The following KIF26B variants were observed in gnomAD, a reference collection of about 807,000 sequenced individuals.
KIF26B encodes the protein kinesin family member 26B.
A neutral mutation model predicts 151.2 loss-of-function variants in KIF26B; 63 were observed. That is an observed-to-expected ratio of 0.42 (90% confidence interval 0.34 to 0.51). The LOEUF is 0.51. Ranked by LOEUF, KIF26B falls within the 20% of genes least tolerant of loss-of-function variation. The probability of loss-of-function intolerance (pLI) is 0.07; values close to 1 mark genes in which losing one functional copy is unlikely to be tolerated. For missense variants in KIF26B, 2,813 were observed against 2,913.6 expected (o/e 0.97, Z 0.79); for synonymous variants, 1,357 against 1,262.1 (o/e 1.08, Z -1.59).
rs2042978468 is a variant in KIF26B, at chr1:245,563,746, G to GA, written c.1350+22796_1350+22797insA. On this transcript the variant is annotated intron_variant, in intron 5 of 14. Coordinates refer to ENST00000407071, the MANE Select transcript of KIF26B (RefSeq NM_018012.4). The surrounding 1 kb of genome is among the most constrained non-coding windows in gnomAD (Gnocchi z 4.6). ...CACCTTTTCTATGTTTAGGTATGTTGTTTAGATTTAGAATATGTAACGCAA... is the reference window on the plus strand; with the variant it reads ...CACCTTTTCTATGTTTAGGTATGTTGATTTAGATTTAGAATATGTAACGCAA... 6.7e-6 allele frequency among the ~76,000 whole-genome samples: 1 copy of GA among 149,646 alleles called. No homozygotes were observed. Among genetic ancestry groups the GA allele is most frequent in the Non-Finnish European group, 1.5e-5 (1 of 67,620 alleles).
At chr1:245,662,404 T>C (rs183139822) in intron 10 of KIF26B, among the ~76,000 whole-genome samples, 4 of 105,554 alleles carry the variant, frequency 3.8e-5, no homozygotes, top group Non-Finnish European at 5.9e-5. Flanking sequence ...TACACACACA[T>C]ACACCCAGTG....
chr1:245,523,609 C>A (rs78030435), intron 4 of KIF26B, among the ~76,000 whole-genome samples: 22 of 152,314 alleles, frequency 1.4e-4, no homozygotes, highest in African/African-American at 4.6e-4. Flanking sequence ...TGCCTTCTCG[C>A]TGTGTCTTCA....
At chr1:245,468,845 CTG>C (rs1457683108) in intron 4 of KIF26B, among the ~76,000 whole-genome samples, 2 of 152,152 alleles carry the variant, frequency 1.3e-5, no homozygotes, top group Admixed American at 1.3e-4. Context: ...TGCATCTGGA[CTG>C]TTAAATTAAG....
At chr1:245,178,658 T>G (rs1668852399) in intron 2 of KIF26B, among the ~76,000 whole-genome samples, 2 of 152,260 alleles carry the variant, frequency 1.3e-5, no homozygotes, top group Non-Finnish European at 2.9e-5. Flanking sequence ...ACTTTGGTGC[T>G]GTTTAACCTC....
chr1:245,534,706 C>A (rs1661451105), intron 4 of KIF26B, among the ~76,000 whole-genome samples: 1 of 151,706 alleles, frequency 6.6e-6, no homozygotes, highest in Admixed American at 6.6e-5. Flanking sequence ...ACAACCCATT[C>A]ATTTTTTCCT....
At chr1:245,248,474 T>G (rs1222395806) in intron 2 of KIF26B, among the ~76,000 whole-genome samples, 1 of 152,222 alleles carries the variant, frequency 6.6e-6, no homozygotes, top group Non-Finnish European at 1.5e-5. Context: ...GACTGAACTC[T>G]GGTTACTTCC....
intron 2 of KIF26B, among the ~76,000 whole-genome samples, chr1:245,285,891 T>C (rs147631083): frequency 4.0e-4 from 60 of 149,898 alleles, no homozygotes; most frequent in African/African-American, 1.4e-3. Context: ...CCCAGCTACT[T>C]GGGAGGCTGA....
chr1:245,407,842 T>A (rs548388604), intron 3 of KIF26B, among the ~76,000 whole-genome samples: 1 of 152,260 alleles, frequency 6.6e-6, no homozygotes, highest in South Asian at 2.1e-4. Flanking sequence ...ACTATTTACT[T>A]GGGGAGAGAG....
chr1:245,222,336 C>T (rs2103549687), intron 2 of KIF26B, among the ~76,000 whole-genome samples: 1 of 152,236 alleles, frequency 6.6e-6, no homozygotes, highest in Non-Finnish European at 1.5e-5. Flanking sequence ...ACTTGGGAGG[C>T]TGAGGCAGGA....
intron 2 of KIF26B, among the ~76,000 whole-genome samples, chr1:245,335,377 G>C (rs1167252693): frequency 6.6e-6 from 1 of 152,186 alleles, no homozygotes; most frequent in African/African-American, 2.4e-5. Flanking sequence ...GACACACACA[G>C]ACACATATAC....
At chr1:245,689,536 A>G (rs1288554918) in intron 12 of KIF26B, among the ~76,000 whole-genome samples, 1 of 152,164 alleles carries the variant, frequency 6.6e-6, no homozygotes, top group Non-Finnish European at 1.5e-5. Flanking sequence ...GAAATGCGTG[A>G]TTTTGGAGAA....
rs1671820292 is a variant in KIF26B at position 245,318,395 on chromosome 1, C to G, written c.466-48439C>G. Among the ~76,000 whole-genome samples the G allele has an allele frequency of 6.6e-6, 1 of 152,210 alleles. No homozygotes were observed. Among genetic ancestry groups the G allele is most frequent in the Admixed American group, 6.5e-5 (1 of 15,282 alleles). ...AAGGGAGAATTCTGCCAGCACCAAC[C>G]TGATCATCCTTCTGGGCATGGCCAA... On this transcript the variant is annotated intron_variant, in intron 2 of 14. Coordinates refer to ENST00000407071, the MANE Select transcript of KIF26B (RefSeq NM_018012.4). This position sits in a 1 kb window ranked among gnomAD's most constrained non-coding sequence, Gnocchi z 4.0.
At chr1:245,319,065 C>T (rs560712255) in intron 2 of KIF26B, among the ~76,000 whole-genome samples, 1 of 152,124 alleles carries the variant, frequency 6.6e-6, no homozygotes, top group African/African-American at 2.4e-5. Context: ...AGGAAATAGA[C>T]CCAAGGAGGT....
intron 9 of KIF26B, among the ~76,000 whole-genome samples, chr1:245,629,663 C>T (rs1331600435): frequency 1.3e-5 from 2 of 152,126 alleles, no homozygotes; most frequent in Non-Finnish European, 2.9e-5. Context: ...CTAGGCACTA[C>T]CAGCCAGGAC....
chr1:245,572,105 G>T lies in KIF26B; in HGVS notation c.1351-30472G>T, dbSNP rs891674781. ...CACAGAGTCCAGATCTCACGACCTC[G>T]CTTTGCAAAGGCTACAAGACCAAGG... On this transcript the variant is annotated intron_variant, in intron 5 of 14. Coordinates refer to ENST00000407071, the MANE Select transcript of KIF26B (RefSeq NM_018012.4). The surrounding 1 kb of genome is among the most constrained non-coding windows in gnomAD (Gnocchi z 4.2). Among the ~76,000 whole-genome samples the T allele has an allele frequency of 6.6e-6, 1 of 152,158 alleles. No individual in the cohort carries two copies. Among genetic ancestry groups the T allele is most frequent in the Admixed American group, 6.6e-5 (1 of 15,266 alleles).
intron 10 of KIF26B, among the ~76,000 whole-genome samples, chr1:245,653,068 C>A (rs1378739251): frequency 6.6e-6 from 1 of 152,202 alleles, no homozygotes; most frequent in African/African-American, 2.4e-5. Flanking sequence ...GCCTGCTAAT[C>A]CTAGCAGAGT....
chr1:245,388,511 T>C (rs1027613552), intron 3 of KIF26B, among the ~76,000 whole-genome samples: 1 of 152,202 alleles, frequency 6.6e-6, no homozygotes, highest in Non-Finnish European at 1.5e-5. Flanking sequence ...GCCAAGATAA[T>C]GACTATGTTA....
At position 245,526,928 on chromosome 1, in the gene KIF26B, C is replaced by CACT. The variant is rs529873088; in HGVS notation, c.1167-13835_1167-13833dup. ...AAATAAAGACATTAAAAGTGAACAA[C>CACT]ACTACTTCTTTTCGGTTTCTCATGC... On this transcript the variant is annotated intron_variant, in intron 4 of 14. Coordinates refer to ENST00000407071, the MANE Select transcript of KIF26B (RefSeq NM_018012.4). Among the ~76,000 whole-genome samples the CACT allele has an allele frequency of 1.9e-4, 29 of 152,308 alleles. 1 individual carries two copies. In the South Asian group the frequency reaches 5.8e-3, roughly 30 times the overall value.
intron 1 of KIF26B, 106 bp downstream of exon 1, chr1:245,155,593 G>A: frequency 2.0e-6 from 2 of 985,354 alleles, no homozygotes; most frequent in Non-Finnish European, 2.9e-6. Context: ...CTCCCCCGCT[G>A]CAGAGGCGCC....
Sources: gnomAD v4.1 joint callset for allele counts (sites outside exome capture counted in the v4.1 genomes callset) on GRCh38, gnomAD v4.1.1 for gene constraint, Gnocchi (gnomAD v3.1) non-coding constraint, MANE v1.5 for transcripts, NCBI Gene and HGNC (gene_info 2026-07-23, HGNC 2026-07-21) for gene names.